The following RAD50 variants were observed in gnomAD, a reference collection of about 807,000 sequenced individuals.
The protein encoded by RAD50 is DNA repair protein RAD50.
Under a neutral mutation model 168.8 loss-of-function variants are expected in RAD50, and 132 were observed. That is an observed-to-expected ratio of 0.78 (90% confidence interval 0.68 to 0.90). The LOEUF is 0.90. RAD50 is among the 40% of genes least tolerant of loss of function. The probability of loss-of-function intolerance (pLI) is 0.00; values close to 1 mark genes in which losing one functional copy is unlikely to be tolerated. For missense variants in RAD50, 1,347 were observed against 1,534.4 expected (o/e 0.88, Z 2.04); for synonymous variants, 525 against 497.4 (o/e 1.06, Z -0.74).
intron 13 of RAD50, among the ~76,000 whole-genome samples, chr5:132,598,657 C>T (rs138898677): frequency 7.0e-4 from 106 of 152,306 alleles, no homozygotes; most frequent in African/African-American, 2.4e-3. Flanking sequence ...GACAGTGATG[C>T]TCACTATTGT....
chr5:132,559,490 C>A, intron 2 of RAD50, 123 bp downstream of exon 2: 1 of 942,560 alleles, frequency 1.1e-6, no homozygotes, highest in Non-Finnish European at 1.6e-6. Context: ...AGTTTTAGCA[C>A]CCAGTAGTAA....
chr5:132,558,449 G>T (rs978851658), intron 1 of RAD50, among the ~76,000 whole-genome samples: 1 of 152,124 alleles, frequency 6.6e-6, no homozygotes, highest in South Asian at 2.1e-4. Flanking sequence ...GGTGGCTCAC[G>T]CCTGTAATCC....
chr5:132,602,621 A>G (rs377709166), intron 13 of RAD50, among the ~76,000 whole-genome samples: 14 of 152,264 alleles, frequency 9.2e-5, no homozygotes, highest in South Asian at 6.2e-4. Flanking sequence ...AAATAATACA[A>G]ATTATTCATA....
At chr5:132,588,618 G>A in intron 7 of RAD50, 69 bp from the exon 8 acceptor site, 4 of 1,423,182 alleles carry the variant, frequency 2.8e-6, no homozygotes, top group Non-Finnish European at 3.9e-6. Flanking sequence ...TATAACTCGT[G>A]AATCTGCAGC....
rs749147171 is a variant in RAD50, at chr5:132,638,148, T to C, written c.3543T>C (p.Asn1181=). 5 of 1,614,012 alleles carry C rather than the reference T, an allele frequency of 3.1e-6. No homozygotes were observed. In the Admixed American group the frequency reaches 6.7e-5, roughly 22 times the overall value. Residue 1181 remains asparagine, a synonymous_variant, in exon 23 of 25, where the codon AAT becomes AAC. Coordinates refer to ENST00000378823, the MANE Select transcript of RAD50 (RefSeq NM_005732.4). ...TATCAGCTTCTGATAAAAGGCGGAA[T>C]TATAACTACCGAGTGGTGATGCTGA... ...ENVSASDKRR[N]YNYRVVMLKG...
At chr5:132,599,781 T>C (rs1750854924) in intron 13 of RAD50, among the ~76,000 whole-genome samples, 2 of 152,046 alleles carry the variant, frequency 1.3e-5, no homozygotes, top group Non-Finnish European at 2.9e-5. Flanking sequence ...TGCAGTCAGG[T>C]TGACTTCAAA....
In RAD50 at chr5:132,637,209, C is replaced by T. The variant is rs1751599602; in HGVS notation, c.3475+9C>T. ...TACCTATCGTGGACAAGGTGAGTAC[C>T]ATGGTGTATCACAAATGCTCTTTCC... On this transcript the variant is annotated intron_variant, in intron 22 of 24. Coordinates refer to ENST00000378823, the MANE Select transcript of RAD50 (RefSeq NM_005732.4). The T allele has an allele frequency of 6.2e-7, 1 of 1,609,154 alleles. No individual in the cohort carries two copies. The highest frequency in any genetic ancestry group is 1.3e-5 in the African/African-American group (1 of 74,778).
rs1329122759 is a variant in RAD50 at position 132,638,379 on chromosome 5, C to G, written c.3618+156C>G. The G allele has an allele frequency of 4.6e-6, 4 of 870,888 alleles. No homozygotes were observed. In the East Asian group the frequency reaches 7.9e-5, roughly 17 times the overall value. The allele number at this position is 870,888 out of a possible 1,614,324, so 53.9% of individuals were successfully genotyped here. A position where few individuals can be genotyped will look rare whatever the true frequency, so the allele number is the denominator to read the frequency against. On this transcript the variant is annotated intron_variant, in intron 23 of 24. Transcript: ENST00000378823. ...ATCAGGCTCAGCTACTATTATTACA[C>G]TCTCCTGAAGCTAACCAACATTTCC...
At chr5:132,590,693 G>A (rs1452586494) in intron 9 of RAD50, among the ~76,000 whole-genome samples, 1 of 152,048 alleles carries the variant, frequency 6.6e-6, no homozygotes, top group Non-Finnish European at 1.5e-5. Flanking sequence ...CTAAAGCATG[G>A]CAAACTTCTT....
At chr5:132,560,543 A>T (rs1472585565) in intron 2 of RAD50, among the ~76,000 whole-genome samples, 2 of 152,258 alleles carry the variant, frequency 1.3e-5, no homozygotes, top group Non-Finnish European at 2.9e-5. Context: ...TTTATTGAGA[A>T]ATAGGAAGAA....
intron 6 of RAD50, 58 bp downstream of exon 6, chr5:132,587,748 T>A: frequency 3.1e-6 from 5 of 1,608,324 alleles, no homozygotes; most frequent in Non-Finnish European, 4.3e-6. Flanking sequence ...GTAATGAACT[T>A]TATTTGAATC....
chr5:132,571,223 C>T lies in RAD50; in HGVS notation c.214-4554C>T, dbSNP rs141712443. Among the ~76,000 whole-genome samples the T allele has an allele frequency of 1.8e-3, 272 of 151,574 alleles. 8 individuals carry two copies. In the East Asian group the frequency reaches 0.05, roughly 28 times the overall value. Reference sequence around the variant, plus strand: ...TTGTGAGAATTACCAAAATGTGACACAGAGACACAAAGTGAGCACATGCTG... The same window carrying T: ...TTGTGAGAATTACCAAAATGTGACATAGAGACACAAAGTGAGCACATGCTG... On this transcript the variant is annotated intron_variant, in intron 2 of 24. Transcript: ENST00000378823.
Position 132,642,332 on chromosome 5 carries a change from A to C in RAD50, c.3907A>C (p.Ser1303Arg). Residue 1303 changes from serine (S) to arginine (R), a missense_variant, in exon 25 of 25, where the codon AGT becomes CGT. By Grantham distance (110) the Ser-to-Arg change is moderately radical. Coordinates refer to ENST00000378823, the MANE Select transcript of RAD50 (RefSeq NM_005732.4). The part of the protein sequence containing the change: ...IDQCSEIVKC[S>R]VSSLGFNVH The stretch of plus-strand genomic sequence containing the variant: ...TCAGTGCTCAGAGATTGTGAAATGC[A>C]GTGTTAGCTCCCTGGGATTCAATGT... 1 of 1,614,058 alleles carries C rather than the reference A, an allele frequency of 6.2e-7. No homozygotes were observed. The highest frequency in any genetic ancestry group is 1.1e-5 in the South Asian group (1 of 91,060).
intron 13 of RAD50, among the ~76,000 whole-genome samples, 171 bp from the exon 14 acceptor site, chr5:132,603,129 T>G (rs942652518): frequency 6.6e-6 from 1 of 152,156 alleles, no homozygotes; most frequent in African/African-American, 2.4e-5. Flanking sequence ...TGAATAAGGA[T>G]TAACATCATC....
At position 132,604,844 on chromosome 5, in the gene RAD50, G is replaced by T. The variant is rs144911328; in HGVS notation, c.2563G>T (p.Asp855Tyr). The stretch of plus-strand genomic sequence containing the variant: ...TGAATTGAATCGTAAGCTTATACAG[G>T]ACCAGCAGGAACAGATTCAACATCT... ...KIELNRKLIQ[D>Y]QQEQIQHLKS... is the part of the protein sequence containing the mutation. Residue 855 changes from aspartate to tyrosine, a missense_variant, in exon 16 of 25, where the codon GAC (aspartate) becomes TAC (tyrosine). Transcript: ENST00000378823. The T allele has an allele frequency of 1.1e-5, 18 of 1,613,148 alleles. No homozygotes were observed. The highest frequency in any genetic ancestry group is 1.1e-5 in the Non-Finnish European group (13 of 1,179,382).
intron 21 of RAD50, among the ~76,000 whole-genome samples, chr5:132,619,907 T>G (rs1278970011): frequency 1.1e-4 from 14 of 132,720 alleles, no homozygotes; most frequent in Non-Finnish European, 1.5e-4. Context: ...GAGAGAGATA[T>G]ATCTTTTTTT....
chr5:132,635,812 T>C (rs559144488), intron 21 of RAD50, among the ~76,000 whole-genome samples: 2 of 152,360 alleles, frequency 1.3e-5, no homozygotes, highest in Non-Finnish European at 2.9e-5. Flanking sequence ...AGTTTTGTTT[T>C]GTTTTTAGGA....
chr5:132,611,705 TA>T (rs34112186), intron 19 of RAD50, among the ~76,000 whole-genome samples: 31,345 of 102,912 alleles, frequency 0.3, 4,023 homozygotes, highest in East Asian at 0.55. Context: ...GACTCCGTCT[TA>T]AAAAAAAAAA....
chr5:132,624,382 G>GT (rs1156405589), intron 21 of RAD50, among the ~76,000 whole-genome samples: 175 of 151,902 alleles, frequency 1.2e-3, no homozygotes, highest in African/African-American at 4.1e-3. Context: ...TTTGTTTTTT[G>GT]GTTTTTTTTG....
Sources: gnomAD v4.1 joint callset for allele counts (sites outside exome capture counted in the v4.1 genomes callset) on GRCh38, gnomAD v4.1.1 for gene constraint, MANE v1.5 for transcripts, NCBI Gene and HGNC (gene_info 2026-07-23, HGNC 2026-07-21) for gene names.